EPB41L2: variants seen among roughly 807,000 people sequenced by gnomAD.
EPB41L2 encodes erythrocyte membrane protein band 4.1 like 2, also known as band 4.1-like protein 2.
Under a neutral mutation model 113.0 loss-of-function variants are expected in EPB41L2, and 43 were observed. That is an observed-to-expected ratio of 0.38 (90% confidence interval 0.30 to 0.49). EPB41L2 has a LOEUF of 0.49. Among genes scored for constraint, EPB41L2 ranks in the 20% least tolerant of loss-of-function variants. The pLI is 0.95. For missense variants in EPB41L2, 1,147 were observed against 1,223.4 expected, an observed-to-expected ratio of 0.94 and a Z score of 0.93; for synonymous variants, 442 against 436.7, an observed-to-expected ratio of 1.01 and a Z score of -0.15.
intron 1 of EPB41L2, among the ~76,000 whole-genome samples, chr6:131,031,699 G>A (rs1792188839): frequency 6.6e-6 from 1 of 152,160 alleles, no homozygotes; most frequent in East Asian, 1.9e-4. Flanking sequence ...CAACCTGTGA[G>A]ATAGTAATTG....
At chr6:130,840,770 T>C (rs1583420223) in intron 19 of EPB41L2, among the ~76,000 whole-genome samples, 172 bp from the exon 20 acceptor site, 1 of 152,180 alleles carries the variant, frequency 6.6e-6, no homozygotes, top group Non-Finnish European at 1.5e-5. Context: ...TGAGACACTA[T>C]TCCACTCTCG....
intron 3 of EPB41L2, among the ~76,000 whole-genome samples, chr6:130,940,417 A>G (rs1001092972): frequency 2.6e-5 from 4 of 151,990 alleles, no homozygotes; most frequent in African/African-American, 9.7e-5. Context: ...AAAATGAAAA[A>G]TGTAATAGGT....
chr6:130,858,973 G>A (rs1181052910), intron 18 of EPB41L2, among the ~76,000 whole-genome samples: 1 of 152,214 alleles, frequency 6.6e-6, no homozygotes, highest in African/African-American at 2.4e-5. Context: ...AGGCCATCCA[G>A]CCTGTGAGCA....
intron 19 of EPB41L2, among the ~76,000 whole-genome samples, chr6:130,846,767 G>A (rs1777165717): frequency 6.6e-6 from 1 of 152,076 alleles, no homozygotes; most frequent in African/African-American, 2.4e-5. Context: ...ACTCTCAAAG[G>A]CCTACATGCT....
intron 1 of EPB41L2, among the ~76,000 whole-genome samples, chr6:131,051,707 G>C (rs969054401): frequency 1.4e-4 from 21 of 152,226 alleles, no homozygotes; most frequent in African/African-American, 4.6e-4. Context: ...GTGAGAGAAA[G>C]AGCATCCTTC....
intron 3 of EPB41L2, among the ~76,000 whole-genome samples, chr6:130,936,062 C>T (rs1230935263): frequency 6.6e-6 from 1 of 152,188 alleles, no homozygotes; most frequent in Non-Finnish European, 1.5e-5. Context: ...ACAATAAACA[C>T]CTCTGTCAGT....
chr6:130,878,404 T>C, intron 13 of EPB41L2, 154 bp from the exon 14 acceptor site: 1 of 765,340 alleles, frequency 1.3e-6, no homozygotes, highest in Non-Finnish European at 2.0e-6. Flanking sequence ...AAAGCCATAT[T>C]ATTATCTATG....
intron 1 of EPB41L2, among the ~76,000 whole-genome samples, chr6:131,019,422 T>C (rs1026552843): frequency 6.6e-6 from 1 of 152,202 alleles, no homozygotes; most frequent in Non-Finnish European, 1.5e-5. Flanking sequence ...ATTCTTGTCA[T>C]ATTGTACTGC....
chr6:130,858,343 A>G (rs112735510), intron 18 of EPB41L2, 100 bp from the exon 19 acceptor site: 6 of 814,228 alleles, frequency 7.4e-6, no homozygotes, highest in Non-Finnish European at 1.2e-5. Context: ...CCCAACCTCA[A>G]GCCAAGAGGC....
intron 14 of EPB41L2, among the ~76,000 whole-genome samples, chr6:130,875,362 C>T (rs1787176586): frequency 6.6e-6 from 1 of 152,146 alleles, no homozygotes; most frequent in Admixed American, 6.5e-5. Flanking sequence ...CAATGCTTTC[C>T]CATCATTCTT....
intron 1 of EPB41L2, among the ~76,000 whole-genome samples, chr6:131,002,058 G>C (rs559785597): frequency 2.0e-5 from 3 of 152,258 alleles, no homozygotes; most frequent in East Asian, 3.9e-4. Context: ...TCTAGATTTA[G>C]ACTAAAGTCA....
At chr6:130,956,648 G>A (rs942837111) in intron 1 of EPB41L2, 149 bp from the exon 2 acceptor site, 3 of 774,178 alleles carry the variant, frequency 3.9e-6, no homozygotes, top group Non-Finnish European at 6.0e-6. Flanking sequence ...AAAAGCACAA[G>A]ACAAAATGGA....
chr6:130,877,997 A>G, intron 14 of EPB41L2, 107 bp downstream of exon 14: 1 of 1,143,606 alleles, frequency 8.7e-7, no homozygotes, highest in Non-Finnish European at 1.2e-6. Context: ...AAAAATAATT[A>G]AATGGGAACA....
At chr6:130,875,034 A>G (rs1353932306) in intron 14 of EPB41L2, among the ~76,000 whole-genome samples, 4 of 152,234 alleles carry the variant, frequency 2.6e-5, no homozygotes, top group Non-Finnish European at 5.9e-5. Flanking sequence ...GCTAACCTTT[A>G]AAGTATATAA....
At chr6:130,960,389 G>T (rs1195764628) in intron 1 of EPB41L2, among the ~76,000 whole-genome samples, 1 of 152,150 alleles carries the variant, frequency 6.6e-6, no homozygotes, top group South Asian at 2.1e-4. Context: ...CCATTTGTAC[G>T]TTATTGCTTG....
Position 130,840,176 on chromosome 6 carries a change from T to A in EPB41L2, c.*428A>T, listed in dbSNP as rs981776712. ...ATCCAGAAGAAGGAAAGCCACTATC[T>A]AAATTAGTCACAGAGTTTCCTTTCT... is the stretch of plus-strand genomic sequence containing the variant. On this transcript the variant is annotated 3_prime_UTR_variant, in exon 20 of 20. Coordinates refer to ENST00000337057, the MANE Select transcript of EPB41L2 (RefSeq NM_001431.4). 6.6e-6 allele frequency: 1 copy of A among 152,570 alleles called. No individual in the cohort carries two copies. The highest frequency in any genetic ancestry group is 1.5e-5 in the Non-Finnish European group (1 of 68,030). The allele number at this position is 152,570 out of a possible 1,614,324, so 9.5% of individuals were successfully genotyped here.
intron 1 of EPB41L2, among the ~76,000 whole-genome samples, chr6:131,019,854 G>A (rs1338997904): frequency 6.6e-6 from 1 of 152,006 alleles, no homozygotes; most frequent in African/African-American, 2.4e-5. Context: ...TGTTACCAGG[G>A]TTATGTTAGC....
chr6:130,996,468 G>A (rs964156672), intron 1 of EPB41L2, among the ~76,000 whole-genome samples: 8 of 152,168 alleles, frequency 5.3e-5, no homozygotes, highest in Admixed American at 3.9e-4. Context: ...ATATAGACTT[G>A]TTACACTTAT....
intron 19 of EPB41L2, among the ~76,000 whole-genome samples, chr6:130,842,516 C>A (rs569378893): frequency 6.6e-6 from 1 of 152,062 alleles, no homozygotes; most frequent in Non-Finnish European, 1.5e-5. Flanking sequence ...AACACAGCTG[C>A]CATTTTGCCT....
Sources: allele counts gnomAD v4.1 joint callset (sites outside exome capture counted in the v4.1 genomes callset), GRCh38; gene constraint gnomAD v4.1.1; transcripts MANE v1.5; gene names NCBI Gene and HGNC (gene_info 2026-07-23, HGNC 2026-07-21).